Variants in TMPRSS12 observed in about 807,000 individuals in gnomAD.
TMPRSS12 encodes the protein transmembrane serine protease 12, also known as transmembrane protease serine 12.
Under a neutral mutation model 26.0 loss-of-function variants are expected in TMPRSS12, and 25 were observed. That is an observed-to-expected ratio of 0.96 (90% CI 0.70 to 1.34). The LOEUF is 1.34. Ranked by LOEUF, TMPRSS12 falls within the 40% of genes most tolerant of loss-of-function variation. The probability of loss-of-function intolerance (pLI) is 0.00; values close to 1 mark genes in which losing one functional copy is unlikely to be tolerated. For synonymous variants in TMPRSS12, 150 were observed against 161.7 expected, an observed-to-expected ratio of 0.93 and a Z score of 0.55; for missense variants, 441 against 440.1, an observed-to-expected ratio of 1.00 and a Z score of -0.02.
chr12:50,864,949 G>A (rs1319998094), intron 3 of TMPRSS12, among the ~76,000 whole-genome samples: 1 of 152,148 alleles, frequency 6.6e-6, no homozygotes, highest in Non-Finnish European at 1.5e-5. Flanking sequence ...ATGAGCCACA[G>A]GGCCCGGCCA....
chr12:50,882,557 C>T (rs1938185942), intron 3 of TMPRSS12, among the ~76,000 whole-genome samples: 1 of 98,130 alleles, frequency 1.0e-5, no homozygotes, highest in Non-Finnish European at 2.3e-5. Context: ...GGCACAAATA[C>T]AAATTAATAT....
chr12:50,857,338 CAG>C (rs1317899892), intron 2 of TMPRSS12, among the ~76,000 whole-genome samples: 3 of 152,162 alleles, frequency 2.0e-5, no homozygotes, highest in African/African-American at 7.2e-5. Context: ...AGCAGAATTG[CAG>C]AGTCAAATGC....
chr12:50,865,907 G>A (rs2554853), intron 3 of TMPRSS12, among the ~76,000 whole-genome samples: 58,211 of 151,960 alleles, frequency 0.38, 11,302 homozygotes, highest in Admixed American at 0.43. Flanking sequence ...AAGAAACATA[G>A]CTTGAGTACA....
In TMPRSS12 at chr12:50,858,841, C is replaced by T. The variant is rs1283539652; in HGVS notation, c.440C>T (p.Pro147Leu). ...ACTAATAATATACATGGACGCTATC[C>T]TCATACCAAGAAGATAAAAATTAAA... ...IGTNNIHGRY[P>L]HTKKIKIKAI... The change falls in exon 3 of 5, where the codon CCT becomes CTT. Residue 147 changes from proline (P) to leucine (L), a missense_variant. Physicochemically the swap from Pro to Leu is moderately conservative, Grantham distance 98. Coordinates refer to ENST00000398458, the MANE Select transcript of TMPRSS12 (RefSeq NM_182559.3). 1.2e-6 allele frequency: 2 copies of T among 1,608,574 alleles called. No individual in the cohort carries two copies. Among genetic ancestry groups the T allele is most frequent in the African/African-American group, 1.3e-5 (1 of 74,820 alleles).
At position 50,856,890 on chromosome 12, in the gene TMPRSS12, A is replaced by G. The variant is rs1011831239; in HGVS notation, c.384-1895A>G. ...TTTTTTACAGAGACAGGGTTTCGCC[A>G]TGTTGCCCAGGGTGGGCTCAAACTC... On this transcript the variant is annotated intron_variant, in intron 2 of 4. Transcript: ENST00000398458. Among the ~76,000 whole-genome samples the G allele has an allele frequency of 2.6e-5, 4 of 151,820 alleles. No individual in the cohort carries two copies. In the South Asian group the frequency reaches 8.3e-4, roughly 32 times the overall value.
rs373083956 is a variant in TMPRSS12, at chr12:50,842,984, G to T, written c.20G>T (p.Ser7Ile). Reference protein sequence around the residue: MRLGLLSVALLFVGSSH... With the variant: MRLGLLIVALLFVGSSH... ...TCCAAAATGCGGCTGGGGCTCCTGA[G>T]CGTGGCGCTGTTGTTTGTGGGGAGC... is the stretch of plus-strand genomic sequence containing the variant. The change falls in exon 1 of 5, where the codon AGC becomes ATC. Residue 7 changes from serine (S) to isoleucine (I), a missense_variant. By Grantham distance (142) the Ser-to-Ile change is moderately radical. Transcript: ENST00000398458. 154 of 1,595,948 alleles carry T rather than the reference G, an allele frequency of 9.6e-5. No individual in the cohort carries two copies. In the Middle Eastern group the frequency reaches 1.2e-3, roughly 12 times the overall value.
rs570243417 is a variant in TMPRSS12, at chr12:50,870,210, C to A, written c.652+11157C>A. On this transcript the variant is annotated intron_variant, in intron 3 of 4. Transcript: ENST00000398458. ...TTCCATCTCAAAACAACAACAACAA[C>A]AAAAAACAAAACAAAACAAAACAAA... is the stretch of plus-strand genomic sequence containing the variant. Among the ~76,000 whole-genome samples, 172 of 151,938 alleles carry A rather than the reference C, an allele frequency of 1.1e-3. 1 individual carries two copies. Among genetic ancestry groups the A allele is most frequent in the South Asian group, 2.3e-3 (11 of 4,802 alleles).
At chr12:50,848,605 T>G (rs558463935) in intron 2 of TMPRSS12, among the ~76,000 whole-genome samples, 11 of 152,354 alleles carry the variant, frequency 7.2e-5, no homozygotes, top group Non-Finnish European at 1.3e-4. Context: ...ATCTTTCAGT[T>G]TCAGCTCCTA....
Position 50,861,886 on chromosome 12 carries a change from T to G in TMPRSS12, c.652+2833T>G, listed in dbSNP as rs1937939415. The stretch of plus-strand genomic sequence containing the variant: ...GTGCAGTGGCGCAATCTCGGCTCAT[T>G]GCAACCTTTGCCTCTTGGGTTCAAG... On this transcript the variant is annotated intron_variant, in intron 3 of 4. Coordinates refer to ENST00000398458, the MANE Select transcript of TMPRSS12 (RefSeq NM_182559.3). Among the ~76,000 whole-genome samples the G allele has an allele frequency of 3.3e-5, 5 of 152,116 alleles. No homozygotes were observed. In the South Asian group the frequency reaches 1.0e-3, roughly 32 times the overall value.
At chr12:50,863,317 G>A (rs902992906) in intron 3 of TMPRSS12, among the ~76,000 whole-genome samples, 11 of 151,982 alleles carry the variant, frequency 7.2e-5, no homozygotes, top group African/African-American at 2.2e-4. Context: ...CCACCAAGAA[G>A]ACATAGCAAT....
intron 3 of TMPRSS12, among the ~76,000 whole-genome samples, chr12:50,868,668 C>T (rs1938014151): frequency 6.6e-6 from 1 of 152,108 alleles, no homozygotes; most frequent in Non-Finnish European, 1.5e-5. Flanking sequence ...ATATACAGAA[C>T]ATTGCATCTA....
chr12:50,858,751 G>GTTTGTTTACTTTCTT lies in TMPRSS12; in HGVS notation c.384-34_384-33insTTTGTTTACTTTCTT, dbSNP rs1592219113. On this transcript the variant is annotated intron_variant, in intron 2 of 4. Coordinates refer to ENST00000398458, the MANE Select transcript of TMPRSS12 (RefSeq NM_182559.3). ...AAGAATATGTACTTAGTTAATTAAAGATATTTATAATAAGAATGTTTACTT... is the reference window on the plus strand; with the variant it reads ...AAGAATATGTACTTAGTTAATTAAAGTTTGTTTACTTTCTTATATTTATAATAAGAATGTTTACTT... The GTTTGTTTACTTTCTT allele has an allele frequency of 1.2e-5, 17 of 1,434,254 alleles. No individual in the cohort carries two copies. The East Asian group carries it at 4.0e-4, about 34-fold the overall frequency. The allele number at this position is 1,434,254 out of a possible 1,614,324, so 88.8% of individuals were successfully genotyped here.
intron 2 of TMPRSS12, among the ~76,000 whole-genome samples, chr12:50,851,513 G>T (rs1937825901): frequency 6.6e-6 from 1 of 152,028 alleles, no homozygotes; most frequent in Non-Finnish European, 1.5e-5. Context: ...AAAGAAAAAA[G>T]AATAAACAAA....
intron 3 of TMPRSS12, among the ~76,000 whole-genome samples, chr12:50,862,514 A>C (rs1414370278): frequency 6.6e-6 from 1 of 151,914 alleles, no homozygotes; most frequent in Non-Finnish European, 1.5e-5. Flanking sequence ...AGTCACACTC[A>C]TGACCCAGCA....
At chr12:50,880,734 A>C (rs1938155381) in intron 3 of TMPRSS12, among the ~76,000 whole-genome samples, 1 of 152,114 alleles carries the variant, frequency 6.6e-6, no homozygotes, top group South Asian at 2.1e-4. Context: ...ACAGGAAACA[A>C]TTCAAAGTCC....
chr12:50,858,666 A>C lies in TMPRSS12; in HGVS notation c.384-119A>C. 3 of 768,364 alleles carry C rather than the reference A, an allele frequency of 3.9e-6. No homozygotes were observed. In the South Asian group the frequency reaches 9.5e-5, roughly 24 times the overall value. The allele number at this position is 768,364 out of a possible 1,614,324, so 47.6% of individuals were successfully genotyped here. On this transcript the variant is annotated intron_variant, in intron 2 of 4. Coordinates refer to ENST00000398458, the MANE Select transcript of TMPRSS12 (RefSeq NM_182559.3). ...TGTGTTATTTGATATTTTATGTCAC[A>C]TGAAACTGGAATTAAAGTTTTTTAT...
intron 3 of TMPRSS12, among the ~76,000 whole-genome samples, chr12:50,884,878 TA>T (rs368787852): frequency 3.1e-3 from 410 of 133,258 alleles, no homozygotes; most frequent in Middle Eastern, 7.7e-3. Context: ...TCTCAAAAAT[TA>T]AAAAAAAAAA....
At chr12:50,882,412 A>G (rs537525090) in intron 3 of TMPRSS12, among the ~76,000 whole-genome samples, 7 of 152,008 alleles carry the variant, frequency 4.6e-5, no homozygotes, top group Admixed American at 4.6e-4. Context: ...TAGAAAGCAG[A>G]AAAAAAGACA....
chr12:50,873,794 C>T (rs1313497002), intron 3 of TMPRSS12, among the ~76,000 whole-genome samples: 1 of 152,030 alleles, frequency 6.6e-6, no homozygotes, highest in Non-Finnish European at 1.5e-5. Context: ...AATTGTTAGG[C>T]CCAAAATGTC....
Sources: allele counts gnomAD v4.1 joint callset (sites outside exome capture counted in the v4.1 genomes callset), GRCh38; gene constraint gnomAD v4.1.1; transcripts MANE v1.5; gene names NCBI Gene and HGNC (gene_info 2026-07-23, HGNC 2026-07-21).